The following TOMM34 variants were observed in gnomAD, a reference collection of about 807,000 sequenced individuals.
TOMM34 encodes mitochondrial import receptor subunit TOM34.
Under a neutral mutation model 37.4 loss-of-function variants are expected in TOMM34, and 24 were observed. The observed-to-expected ratio is 0.64, with a 90% CI of 0.46 to 0.90. The LOEUF is 0.90. Among genes scored for constraint, TOMM34 ranks in the 40% least tolerant of loss-of-function variants. TOMM34 has a pLI of 0.00. For synonymous variants in TOMM34, 154 were observed against 148.9 expected (o/e 1.03, Z -0.25); for missense variants, 304 against 375.6 (o/e 0.81, Z 1.58).
intron 5 of TOMM34, among the ~76,000 whole-genome samples, chr20:44,946,177 T>TA (rs1290630106): frequency 6.6e-6 from 1 of 152,100 alleles, no homozygotes; most frequent in Non-Finnish European, 1.5e-5. Flanking sequence ...CTAAGGAAAT[T>TA]AAAGTTTCCT....
In TOMM34 at chr20:44,948,853, T is replaced by C; in HGVS notation, c.575A>G (p.Lys192Arg). ...GCCTTCTTCCTTCAGAACTCTGGCT[T>C]TCTCCACATCCCCAGCAGAAGGCAC... ...NRVPSAGDVE[K>R]ARVLKEEGNE... Residue 192 changes from lysine to arginine, a missense_variant, in exon 5 of 7, where the codon AAA (lysine) becomes AGA (arginine). Transcript: ENST00000372813. 6.2e-7 allele frequency: 1 copy of C among 1,614,004 alleles called. No homozygotes were observed. The highest frequency in any genetic ancestry group is 1.7e-5 in the Admixed American group (1 of 59,986).
At chr20:44,943,792 A>G (rs905633788) in intron 5 of TOMM34, among the ~76,000 whole-genome samples, 2 of 152,162 alleles carry the variant, frequency 1.3e-5, no homozygotes, top group Non-Finnish European at 2.9e-5. Context: ...AGGTACCGCC[A>G]GTATTAAGGG....
At chr20:44,954,675 C>T (rs1244561926) in intron 3 of TOMM34, among the ~76,000 whole-genome samples, 1 of 152,176 alleles carries the variant, frequency 6.6e-6, no homozygotes, top group Non-Finnish European at 1.5e-5. Context: ...TCCTTTTAGG[C>T]TTGTCATAGC....
chr20:44,959,686 T>G lies in TOMM34; in HGVS notation c.127+521A>C, dbSNP rs1339647206. On this transcript the variant is annotated intron_variant, in intron 1 of 6. Transcript: ENST00000372813. ...CTTGTGCGCTTGGCTTCTCATCATT[T>G]AGACATCACCTCAAATATCACTTCT... Among the ~76,000 whole-genome samples the G allele has an allele frequency of 2.0e-5, 3 of 152,186 alleles. No individual in the cohort carries two copies. The East Asian group carries it at 5.8e-4, about 29-fold the overall frequency.
At chr20:44,953,113 CCCA>C (rs1490551459) in intron 3 of TOMM34, among the ~76,000 whole-genome samples, 1 of 152,170 alleles carries the variant, frequency 6.6e-6, no homozygotes, top group African/African-American at 2.4e-5. Flanking sequence ...ACCTCCCTCT[CCCA>C]CATCTTCATC....
chr20:44,948,677 CTA>C, intron 5 of TOMM34, 51 bp downstream of exon 5: 2 of 1,604,826 alleles, frequency 1.2e-6, no homozygotes, highest in South Asian at 2.2e-5. Context: ...CAAGAGAAGA[CTA>C]TGGAACAAAT....
chr20:44,960,379 G>A lies in TOMM34; in HGVS notation c.-46C>T, dbSNP rs762722624. 12 of 1,495,574 alleles carry A rather than the reference G, an allele frequency of 8.0e-6. No homozygotes were observed. The highest frequency in any genetic ancestry group is 2.2e-5 in the Admixed American group (1 of 46,494). 92.6% of individuals were successfully genotyped at this position (1,495,574 alleles called of 1,614,324 possible). ...TTGGGAGCTCCTTCCTTCCTCCCCC[G>A]TGTGGTGCGGCACACCTTCCGGGCG... On this transcript the variant is annotated 5_prime_UTR_variant, in exon 1 of 7. It adds an upstream start codon to the 5' untranslated region. Transcript: ENST00000372813.
At position 44,942,399 on chromosome 20, in the gene TOMM34, C is replaced by T. The variant is rs964022056; in HGVS notation, c.*710G>A. On this transcript the variant is annotated 3_prime_UTR_variant, in exon 7 of 7. Transcript: ENST00000372813. ...CACTGACCAAGGAGGCCTCTTGCCC[C>T]CTCCCACCTCTAGGAGGAGCAGCCA... 4.1e-4 allele frequency: 62 copies of T among 152,442 alleles called. No individual in the cohort carries two copies. Among genetic ancestry groups the T allele is most frequent in the Non-Finnish European group, 2.1e-4 (14 of 68,086 alleles). The allele number at this position is 152,442 out of a possible 1,614,324, so 9.4% of individuals were successfully genotyped here. A position where few individuals can be genotyped will look rare whatever the true frequency, so the allele number is the denominator to read the frequency against.
intron 1 of TOMM34, among the ~76,000 whole-genome samples, chr20:44,956,973 T>C (rs1241284661): frequency 6.6e-6 from 1 of 151,948 alleles, no homozygotes; most frequent in Non-Finnish European, 1.5e-5. Context: ...AAAACACCCA[T>C]GAAAGACATG....
chr20:44,958,130 G>GTA (rs1568665881), intron 1 of TOMM34, among the ~76,000 whole-genome samples: 1 of 125,978 alleles, frequency 7.9e-6, no homozygotes, highest in Non-Finnish European at 1.7e-5. Flanking sequence ...GTATATATAT[G>GTA]TATATGTATA....
At chr20:44,946,390 G>C (rs901421803) in intron 5 of TOMM34, among the ~76,000 whole-genome samples, 1 of 152,192 alleles carries the variant, frequency 6.6e-6, no homozygotes, top group Non-Finnish European at 1.5e-5. Flanking sequence ...ACTGTATCCA[G>C]TCAGAAGGGT....
chr20:44,949,604 C>T lies in TOMM34; in HGVS notation c.551-727G>A, dbSNP rs138897514. Among the ~76,000 whole-genome samples, 667 of 152,312 alleles carry T rather than the reference C, an allele frequency of 4.4e-3. 3 individuals carry two copies. The highest frequency in any genetic ancestry group is 0.01 in the Middle Eastern group (3 of 294). On this transcript the variant is annotated intron_variant, in intron 4 of 6. Coordinates refer to ENST00000372813, the MANE Select transcript of TOMM34 (RefSeq NM_006809.5). The stretch of plus-strand genomic sequence containing the variant: ...TATTCCAGCCTCAGCTCCATATCAT[C>T]TGCTTTTCAAAAATTTTTAAAACTA...
At position 44,948,807 on chromosome 20, in the gene TOMM34, T is replaced by C; in HGVS notation, c.621A>G (p.Gly207=). 6.2e-7 allele frequency: 1 copy of C among 1,614,154 alleles called. No homozygotes were observed. Among genetic ancestry groups the C allele is most frequent in the Non-Finnish European group, 8.5e-7 (1 of 1,180,018 alleles). Residue 207 remains glycine, a synonymous_variant, in exon 5 of 7, where the codon GGA becomes GGG. Coordinates refer to ENST00000372813, the MANE Select transcript of TOMM34 (RefSeq NM_006809.5). The stretch of plus-strand genomic sequence containing the variant: ...ACTTCTCAATAGCTTTCTTATGGTT[T>C]CCCTTCTTTACAAGCTCATTGCCTT... The part of the protein sequence containing the change: ...KEEGNELVKK[G]NHKKAIEKYS...
chr20:44,952,760 A>G, intron 3 of TOMM34: 1 of 707,212 alleles, frequency 1.4e-6, no homozygotes, highest in Non-Finnish European at 2.6e-6. Flanking sequence ...ATGAGTGAAT[A>G]ATGCTAACTG....
chr20:44,958,172 G>A (rs535134959), intron 1 of TOMM34, among the ~76,000 whole-genome samples: 2 of 151,052 alleles, frequency 1.3e-5, no homozygotes, highest in Admixed American at 1.3e-4. Flanking sequence ...GTGTTAACAG[G>A]AAAGATACCA....
At chr20:44,954,710 C>G (rs75349244) in intron 3 of TOMM34, among the ~76,000 whole-genome samples, 1,893 of 152,278 alleles carry the variant, frequency 0.012, 43 homozygotes, top group African/African-American at 0.043. Flanking sequence ...TCTTATTCTT[C>G]TAATTAGCGT....
chr20:44,950,440 A>T (rs2145599739), intron 4 of TOMM34, among the ~76,000 whole-genome samples: 1 of 152,306 alleles, frequency 6.6e-6, no homozygotes, highest in Non-Finnish European at 1.5e-5. Context: ...CACTGTTTAC[A>T]TGTCTCAGTC....
chr20:44,958,160 G>C (rs571014158), intron 1 of TOMM34, among the ~76,000 whole-genome samples: 12 of 104,906 alleles, frequency 1.1e-4, no homozygotes, highest in Non-Finnish European at 2.5e-4. Context: ...GTGTGTGTGT[G>C]TGTGTTAACA....
Position 44,943,218 on chromosome 20 carries a change from T to C in TOMM34, c.826-5A>G, listed in dbSNP as rs772913690. 3.7e-6 allele frequency: 6 copies of C among 1,613,922 alleles called. No individual in the cohort carries two copies. The highest frequency in any genetic ancestry group is 3.3e-5 in the South Asian group (3 of 91,070). On this transcript the variant is annotated splice_region_variant and splice_polypyrimidine_tract_variant and intron_variant, in intron 6 of 6. Coordinates refer to ENST00000372813, the MANE Select transcript of TOMM34 (RefSeq NM_006809.5). ...TGCAAAGCTGGATTTATAGTCCTAA[T>C]AGAAGAAAAGACAGGAGTGTGGGGG... is the stretch of plus-strand genomic sequence containing the variant.
Sources: allele counts gnomAD v4.1 joint callset (sites outside exome capture counted in the v4.1 genomes callset), GRCh38; gene constraint gnomAD v4.1.1; transcripts MANE v1.5; gene names NCBI Gene and HGNC (gene_info 2026-07-23, HGNC 2026-07-21).